EPHA7: variants seen among roughly 807,000 people sequenced by gnomAD.
EPHA7 encodes EPH receptor A7.
Under a neutral mutation model 112.6 loss-of-function variants are expected in EPHA7, and 25 were observed. The observed-to-expected ratio is 0.22, with a 90% CI of 0.16 to 0.31. EPHA7 has a LOEUF of 0.31. EPHA7 is among the 10% of genes least tolerant of loss of function. The pLI, the probability that EPHA7 is intolerant of heterozygous loss-of-function variation, is 1.00. For synonymous variants in EPHA7, 437 were observed against 406.5 expected (o/e 1.07, Z -0.90); for missense variants, 962 against 1,212.6 (o/e 0.79, Z 3.07).
chr6:93,383,786 C>T (rs140499096), intron 3 of EPHA7, among the ~76,000 whole-genome samples: 72 of 152,242 alleles, frequency 4.7e-4, no homozygotes, highest in African/African-American at 1.5e-3. Context: ...TAGCCTCGAA[C>T]TCCTGGGCTC....
intron 5 of EPHA7, among the ~76,000 whole-genome samples, chr6:93,300,715 A>G (rs1772936551): frequency 6.6e-6 from 1 of 152,200 alleles, no homozygotes; most frequent in African/African-American, 2.4e-5. Flanking sequence ...AGATAACATA[A>G]GGGGAATATT....
chr6:93,399,536 A>G (rs914419406), intron 3 of EPHA7, among the ~76,000 whole-genome samples: 6 of 152,084 alleles, frequency 3.9e-5, no homozygotes, highest in Non-Finnish European at 7.4e-5. Context: ...TCCATAGAAA[A>G]GAAATCTTAA....
chr6:93,397,151 C>T (rs1778219364), intron 3 of EPHA7, among the ~76,000 whole-genome samples: 1 of 151,544 alleles, frequency 6.6e-6, no homozygotes, highest in Non-Finnish European at 1.5e-5. Flanking sequence ...TGGAGAAGCC[C>T]ATTAAAAAAA....
chr6:93,277,357 C>T (rs1246082699), intron 5 of EPHA7, among the ~76,000 whole-genome samples: 1 of 151,904 alleles, frequency 6.6e-6, no homozygotes, highest in Non-Finnish European at 1.5e-5. Context: ...TGTAACACAG[C>T]AATTCTATTT....
At chr6:93,303,033 A>C (rs1773070297) in intron 5 of EPHA7, among the ~76,000 whole-genome samples, 1 of 152,130 alleles carries the variant, frequency 6.6e-6, no homozygotes. Context: ...ATCAAGAAGA[A>C]TGGATCAGGA....
chr6:93,258,572 C>T (rs999042371), intron 10 of EPHA7, among the ~76,000 whole-genome samples: 1 of 114,108 alleles, frequency 8.8e-6, no homozygotes, highest in South Asian at 4.3e-4. Flanking sequence ...TTACGCTTTC[C>T]TAAACTGTTA....
chr6:93,258,391 G>T (rs929889357), intron 10 of EPHA7, 107 bp from the exon 11 acceptor site: 3 of 1,164,492 alleles, frequency 2.6e-6, no homozygotes, highest in African/African-American at 3.1e-5. Context: ...TAAATTATTT[G>T]AAAGCATTTT....
At chr6:93,258,679 T>A (rs1298708336) in intron 10 of EPHA7, among the ~76,000 whole-genome samples, 5 of 148,200 alleles carry the variant, frequency 3.4e-5, no homozygotes, top group African/African-American at 4.9e-5. Flanking sequence ...AAAATTTTTT[T>A]ATATATATTA....
At chr6:93,391,629 T>C (rs1777909673) in intron 3 of EPHA7, among the ~76,000 whole-genome samples, 1 of 151,922 alleles carries the variant, frequency 6.6e-6, no homozygotes, top group Non-Finnish European at 1.5e-5. Context: ...GAGAAAATTA[T>C]CTATATATTT....
At chr6:93,352,529 T>C (rs747717534) in intron 5 of EPHA7, among the ~76,000 whole-genome samples, 2 of 152,104 alleles carry the variant, frequency 1.3e-5, no homozygotes, top group African/African-American at 2.4e-5. Context: ...GAATGAATCA[T>C]TCTTCAGAGT....
chr6:93,243,703 A>G (rs1264259477), intron 16 of EPHA7, among the ~76,000 whole-genome samples, 163 bp from the exon 17 acceptor site: 1 of 152,152 alleles, frequency 6.6e-6, no homozygotes, highest in African/African-American at 2.4e-5. Context: ...TCAGAATTGT[A>G]AAACCTACAT....
chr6:93,377,031 T>C (rs1777095683), intron 3 of EPHA7, among the ~76,000 whole-genome samples: 1 of 149,598 alleles, frequency 6.7e-6, no homozygotes, highest in Non-Finnish European at 1.5e-5. Context: ...GCTCCAACAC[T>C]TTACAAATTT....
At position 93,272,272 on chromosome 6, in the gene EPHA7, A is replaced by C. The variant is rs772164395; in HGVS notation, c.1449+26T>G. Reference sequence around the variant, plus strand: ...TGACATGAGACACACAGCACATTGTACATTTCAGTTGCTCTTAGCACTTAC... The same window carrying C: ...TGACATGAGACACACAGCACATTGTCCATTTCAGTTGCTCTTAGCACTTAC... On this transcript the variant is annotated intron_variant, in intron 6 of 16. Transcript: ENST00000369303. The C allele has an allele frequency of 8.1e-6, 13 of 1,610,262 alleles. No homozygotes were observed. The African/African-American group carries it at 1.1e-4, about 13-fold the overall frequency.
At chr6:93,353,660 T>C (rs980463877) in intron 5 of EPHA7, among the ~76,000 whole-genome samples, 7 of 152,172 alleles carry the variant, frequency 4.6e-5, no homozygotes, top group African/African-American at 1.7e-4. Context: ...TTTATGGCAA[T>C]GTATGAGTTT....
chr6:93,242,427 T>C lies in EPHA7; in HGVS notation c.*999A>G, dbSNP rs1299730118. On this transcript the variant is annotated 3_prime_UTR_variant, in exon 17 of 17. Coordinates refer to ENST00000369303, the MANE Select transcript of EPHA7 (RefSeq NM_004440.4). ...AACAGAAGAGGATATAAAATATATG[T>C]CAACTATTTATCCTAAATTTCCTAA... is the stretch of plus-strand genomic sequence containing the variant. The C allele has an allele frequency of 5.2e-6, 1 of 193,790 alleles. No individual in the cohort carries two copies. The highest frequency in any genetic ancestry group is 1.1e-5 in the Non-Finnish European group (1 of 92,716). 12.0% of individuals were successfully genotyped at this position (193,790 alleles called of 1,614,324 possible). A position where few individuals can be genotyped will look rare whatever the true frequency, so the allele number is the denominator to read the frequency against.
chr6:93,257,208 T>G (rs564677336), intron 12 of EPHA7, among the ~76,000 whole-genome samples: 127 of 152,214 alleles, frequency 8.3e-4, no homozygotes, highest in Non-Finnish European at 1.7e-3. Flanking sequence ...TTACAGGGCT[T>G]CGGGCATCCT....
At chr6:93,351,672 T>C (rs1433565922) in intron 5 of EPHA7, among the ~76,000 whole-genome samples, 2 of 152,022 alleles carry the variant, frequency 1.3e-5, no homozygotes. Flanking sequence ...AGAGGTCTTA[T>C]GTCCCAAATC....
chr6:93,258,204 C>G lies in EPHA7; in HGVS notation c.2005G>C (p.Val669Leu), dbSNP rs751915816. 1 of 1,613,438 alleles carries G rather than the reference C, an allele frequency of 6.2e-7. No individual in the cohort carries two copies. The highest frequency in any genetic ancestry group is 8.5e-7 in the Non-Finnish European group (1 of 1,179,620). The change falls in exon 11 of 17, where the codon GTT becomes CTT. Residue 669 changes from valine (V) to leucine (L), a missense_variant. Transcript: ENST00000369303. ...DVAVAIKTLK[V>L]GYTEKQRRDF... ...CTCCTTTGTTTTTCTGTGTAACCAA[C>G]TTTCAGGGTTTTTATGGCTACTGCA...
intron 5 of EPHA7, among the ~76,000 whole-genome samples, chr6:93,317,034 T>C (rs1773849501): frequency 6.6e-6 from 1 of 152,334 alleles, no homozygotes; most frequent in Non-Finnish European, 1.5e-5. Context: ...CCCTGGCTGC[T>C]CTTTCCTAAA....
Sources: gnomAD v4.1 joint callset for allele counts (sites outside exome capture counted in the v4.1 genomes callset) on GRCh38, gnomAD v4.1.1 for gene constraint, MANE v1.5 for transcripts, NCBI Gene and HGNC (gene_info 2026-07-23, HGNC 2026-07-21) for gene names.